The following MISFA variants were observed in gnomAD, a reference collection of about 807,000 sequenced individuals.
The protein encoded by MISFA is mitochondrial sheath formation-associated protein.
At chr11:18,608,370 G>T in the MISFA span, 2 of 152,512 alleles carry the variant, frequency 1.3e-5, no homozygotes, top group African/African-American at 4.8e-5. Context: ...GAAGAATAAA[G>T]ACTTTATGGA....
chr11:18,599,976 G>T, the MISFA span: 1 of 398,982 alleles, frequency 2.5e-6, no homozygotes, highest in Non-Finnish European at 4.4e-6. Context: ...TGTGTTACAT[G>T]GGCACGTTTC....
the MISFA span, among the ~76,000 whole-genome samples, chr11:18,603,542 T>C: frequency 5.3e-4 from 81 of 152,366 alleles, no homozygotes; most frequent in African/African-American, 1.8e-3. Context: ...TGGTGGCAGA[T>C]GTCTCTTTTC....
At chr11:18,600,354 C>G in the MISFA span, among the ~76,000 whole-genome samples, 1 of 151,358 alleles carries the variant, frequency 6.6e-6, no homozygotes, top group African/African-American at 2.4e-5. Context: ...CAGGCATGCA[C>G]CACCACGCCT....
At chr11:18,604,075 T>C in the MISFA span, among the ~76,000 whole-genome samples, 27 of 151,916 alleles carry the variant, frequency 1.8e-4, no homozygotes, top group South Asian at 4.2e-4. Context: ...TACAGGCGCC[T>C]GCCACCACGC....
chr11:18,601,579 T>A, the MISFA span: 44 of 398,484 alleles, frequency 1.1e-4, no homozygotes, highest in Middle Eastern at 6.3e-4. Flanking sequence ...GGCTAATTTT[T>A]TTTTTATTTT....
chr11:18,600,058 G>T, the MISFA span: 3 of 398,790 alleles, frequency 7.5e-6, no homozygotes, highest in African/African-American at 2.1e-5. Context: ...TCATCTTCCT[G>T]TCTGGGTTTT....
the MISFA span, among the ~76,000 whole-genome samples, chr11:18,606,200 G>A: frequency 1.3e-5 from 2 of 152,188 alleles, no homozygotes; most frequent in Non-Finnish European, 2.9e-5. Context: ...AGTTCTCTAA[G>A]CTGGTAGGGG....
At chr11:18,604,043 C>T in the MISFA span, 5 of 271,260 alleles carry the variant, frequency 1.8e-5, no homozygotes, top group Non-Finnish European at 3.4e-5. Flanking sequence ...TCCCCTGCCT[C>T]AGCCTCCAGA....
chr11:18,602,687 A>G, the MISFA span: 3 of 156,528 alleles, frequency 1.9e-5, no homozygotes, highest in African/African-American at 7.2e-5. Flanking sequence ...CTCTTAATGA[A>G]TCCAGGCTTT....
At chr11:18,603,212 C>G in the MISFA span, 1 of 398,962 alleles carries the variant, frequency 2.5e-6, no homozygotes, top group Non-Finnish European at 4.4e-6. Flanking sequence ...GTACCTTCAA[C>G]TTTGTTCTCT....
the MISFA span, chr11:18,602,994 C>T: frequency 2.5e-6 from 1 of 396,218 alleles, no homozygotes; most frequent in Non-Finnish European, 4.4e-6. Flanking sequence ...CACGAAGCTC[C>T]TTAGTGAGGA....
At chr11:18,607,629 A>G in the MISFA span, 2 of 152,598 alleles carry the variant, frequency 1.3e-5, no homozygotes, top group Non-Finnish European at 2.9e-5. Context: ...TGAGCTTTTT[A>G]TAAGAGTGGT....
At chr11:18,607,115 G>C in the MISFA span, 2 of 183,896 alleles carry the variant, frequency 1.1e-5, no homozygotes, top group Non-Finnish European at 2.2e-5. Flanking sequence ...CGCCCGCCTC[G>C]GCCTCCCAAA....
At chr11:18,603,971 G>A in the MISFA span, 2 of 294,410 alleles carry the variant, frequency 6.8e-6, no homozygotes, top group African/African-American at 5.7e-5. Flanking sequence ...GTGTCGCCCA[G>A]GCTGGAGTGC....
At chr11:18,600,140 G>A in the MISFA span, 1 of 397,282 alleles carries the variant, frequency 2.5e-6, no homozygotes, top group Non-Finnish European at 4.4e-6. Flanking sequence ...AACAAAGTTA[G>A]TGTCCCAGGC....
chr11:18,608,494 T>C, the MISFA span: 1 of 152,194 alleles, frequency 6.6e-6, no homozygotes, highest in Non-Finnish European at 1.5e-5. Context: ...GCCAAAACGT[T>C]TATTGTAGAA....
At chr11:18,604,787 G>T in the MISFA span, among the ~76,000 whole-genome samples, 344 of 152,268 alleles carry the variant, frequency 2.3e-3, 3 homozygotes, top group Middle Eastern at 0.027. Flanking sequence ...TGAAGTTGAG[G>T]GGCATGTTTA....
the MISFA span, chr11:18,609,785 G>A: frequency 7.6e-7 from 1 of 1,312,980 alleles, no homozygotes; most frequent in Non-Finnish European, 1.1e-6. Context: ...AAATGATAAG[G>A]GGGCTTCTTC....
At chr11:18,604,277 C>T in the MISFA span, among the ~76,000 whole-genome samples, 1 of 152,070 alleles carries the variant, frequency 6.6e-6, no homozygotes, top group African/African-American at 2.4e-5. Flanking sequence ...TAGCTTGTAA[C>T]AGAGAGACAG....
Sources: gnomAD v4.1 joint callset for allele counts (sites outside exome capture counted in the v4.1 genomes callset) on GRCh38, gnomAD v4.1.1 for gene constraint, MANE v1.5 for transcripts, NCBI Gene and HGNC (gene_info 2026-07-23, HGNC 2026-07-21) for gene names.